CCDC169: variants seen among roughly 807,000 people sequenced by gnomAD.
CCDC169 encodes the protein coiled-coil domain containing 169.
A neutral mutation model predicts 36.0 loss-of-function variants in CCDC169; 30 were observed. The ratio of observed to expected loss-of-function variants is 0.83; its 90% CI spans 0.62 to 1.13. The LOEUF (loss-of-function observed/expected upper bound fraction) is 1.13. Among genes scored for constraint, CCDC169 ranks in the 50% most tolerant of loss-of-function variants. The pLI is 0.00. For synonymous variants in CCDC169, 85 were observed against 81.5 expected (o/e 1.04, Z -0.23); for missense variants, 245 against 245.9 (o/e 1.00, Z 0.03).
chr13:36,274,868 A>ATTTTTTTTT (rs3083971), intron 4 of CCDC169, among the ~76,000 whole-genome samples: 4 of 118,508 alleles, frequency 3.4e-5, no homozygotes, highest in East Asian at 5.2e-4. Flanking sequence ...CATTAGCTGC[A>ATTTTTTTTT]TTTTTTTTTT....
chr13:36,256,861 C>T (rs564847926), intron 4 of CCDC169, among the ~76,000 whole-genome samples: 2 of 152,340 alleles, frequency 1.3e-5, no homozygotes, highest in South Asian at 4.1e-4. Context: ...GTCTGATCAC[C>T]CAGAGTGTCC....
rs150009908 is a variant in CCDC169, at chr13:36,246,555, G to A, written c.545+2051C>T. ...AAAAGCTGGAAGCCAGCAGAGGATG[G>A]TTCATGAGGTTTAAGGAAAGAAGCC... On this transcript the variant is annotated intron_variant, in intron 7 of 7. Coordinates refer to ENST00000239859, the MANE Select transcript of CCDC169 (RefSeq NM_001144981.3). 1.2e-3 allele frequency among the ~76,000 whole-genome samples: 182 copies of A among 152,332 alleles called. 1 individual carries two copies. The highest frequency in any genetic ancestry group is 4.2e-3 in the African/African-American group (175 of 41,568).
At chr13:36,272,107 AT>A (rs1234091476) in intron 4 of CCDC169, among the ~76,000 whole-genome samples, 1 of 136,302 alleles carries the variant, frequency 7.3e-6, no homozygotes. Flanking sequence ...AACTAAAAAA[AT>A]AAATAAATAA....
chr13:36,281,146 C>T (rs1877479550), intron 4 of CCDC169: 3 of 366,272 alleles, frequency 8.2e-6, no homozygotes, highest in Admixed American at 4.0e-5. Context: ...TCTTTAAACA[C>T]GAGGACAAAA....
chr13:36,224,993 C>T (rs902836878), downstream of CCDC169: 2 of 152,038 alleles, frequency 1.3e-5, no homozygotes, highest in East Asian at 3.9e-4. Context: ...AAGCCACATA[C>T]CTACAGCCAT....
downstream of CCDC169, among the ~76,000 whole-genome samples, chr13:36,227,598 T>C (rs1869992226): frequency 6.6e-6 from 1 of 152,214 alleles, no homozygotes; most frequent in South Asian, 2.1e-4. Flanking sequence ...GATCAAATAA[T>C]ATTTCATTAA....
intron 4 of CCDC169, among the ~76,000 whole-genome samples, chr13:36,261,817 T>A (rs1874647263): frequency 6.6e-6 from 1 of 152,190 alleles, no homozygotes; most frequent in Non-Finnish European, 1.5e-5. Context: ...ATCACAGAAC[T>A]GAACATTAGA....
chr13:36,242,339 G>T (rs1871939272), intron 7 of CCDC169, among the ~76,000 whole-genome samples: 1 of 152,084 alleles, frequency 6.6e-6, no homozygotes, highest in African/African-American at 2.4e-5. Flanking sequence ...GATGAGTAAT[G>T]GTGTTGAGTC....
intron 4 of CCDC169, among the ~76,000 whole-genome samples, chr13:36,272,531 T>G (rs926960467): frequency 1.3e-5 from 2 of 152,162 alleles, no homozygotes; most frequent in Admixed American, 1.3e-4. Context: ...CTTTTCTATT[T>G]TTTTAAATTA....
At chr13:36,226,858 G>T (rs773319007), downstream of CCDC169, 1 of 342,838 alleles carries the variant, frequency 2.9e-6, no homozygotes, top group Non-Finnish European at 5.2e-6. Flanking sequence ...CTCAGTCCCT[G>T]GGTGATGGGA....
chr13:36,245,544 C>T (rs935182434), intron 7 of CCDC169, among the ~76,000 whole-genome samples: 3 of 152,216 alleles, frequency 2.0e-5, no homozygotes, highest in Admixed American at 6.5e-5. Context: ...GCAATCCTCC[C>T]GCCTCAGCCT....
chr13:36,280,154 T>C (rs1001433338), intron 4 of CCDC169: 1 of 152,164 alleles, frequency 6.6e-6, no homozygotes, highest in African/African-American at 2.4e-5. Context: ...TTTTTATACA[T>C]ACAACATGTA....
At chr13:36,242,090 C>T (rs1027623215) in intron 7 of CCDC169, among the ~76,000 whole-genome samples, 3 of 152,338 alleles carry the variant, frequency 2.0e-5, no homozygotes. Flanking sequence ...GTTTCCTACA[C>T]AGCTTGCGGG....
At chr13:36,288,868 T>C (rs1330167788) in intron 2 of CCDC169, among the ~76,000 whole-genome samples, 7 of 152,110 alleles carry the variant, frequency 4.6e-5, no homozygotes. Context: ...TAATTTTACA[T>C]GAGAAAGATT....
intron 7 of CCDC169, among the ~76,000 whole-genome samples, chr13:36,237,473 A>C (rs1306413617): frequency 6.6e-6 from 1 of 152,222 alleles, no homozygotes; most frequent in East Asian, 1.9e-4. Context: ...ATTTGCACAC[A>C]AAACTTGTAC....
chr13:36,277,228 C>T (rs1213793430), intron 4 of CCDC169, among the ~76,000 whole-genome samples: 1 of 152,140 alleles, frequency 6.6e-6, no homozygotes, highest in African/African-American at 2.4e-5. Context: ...AAACCAAACA[C>T]CCCATGTTCT....
Position 36,297,684 on chromosome 13 carries a change from C to T in CCDC169, c.36G>A (p.Val12=). 1 of 1,551,378 alleles carries T rather than the reference C, an allele frequency of 6.4e-7. No individual in the cohort carries two copies. Among genetic ancestry groups the T allele is most frequent in the South Asian group, 1.2e-5 (1 of 84,064 alleles). ...KEERNYNFDG[V]STNRLKQQLL... The stretch of plus-strand genomic sequence containing the variant: ...ACTGCTGTTTCAGGCGGTTGGTGCT[C>T]ACACCGTCGAAGTTGTAGTTTCTCT... Residue 12 remains valine, a synonymous_variant, in exon 1 of 8, where the codon GTG becomes GTA. Coordinates refer to ENST00000239859, the MANE Select transcript of CCDC169 (RefSeq NM_001144981.3).
At chr13:36,257,831 A>T (rs998846692) in intron 4 of CCDC169, among the ~76,000 whole-genome samples, 5 of 151,732 alleles carry the variant, frequency 3.3e-5, no homozygotes, top group Non-Finnish European at 5.9e-5. Flanking sequence ...GGGCTCAGTC[A>T]TTGTCTTATT....
intron 4 of CCDC169, among the ~76,000 whole-genome samples, chr13:36,257,952 T>A (rs973485110): frequency 1.3e-5 from 2 of 151,982 alleles, no homozygotes; most frequent in African/African-American, 4.8e-5. Flanking sequence ...CCCTCCAATA[T>A]AGACAGAACT....
Sources: gnomAD v4.1 joint callset for allele counts (sites outside exome capture counted in the v4.1 genomes callset) on GRCh38, gnomAD v4.1.1 for gene constraint, MANE v1.5 for transcripts, NCBI Gene and HGNC (gene_info 2026-07-23, HGNC 2026-07-21) for gene names.